The following KNTC1 variants were observed in gnomAD, a reference collection of about 807,000 sequenced individuals.
KNTC1 encodes the protein kinetochore associated 1.
A neutral mutation model predicts 314.4 loss-of-function variants in KNTC1; 253 were observed. The observed-to-expected ratio is 0.80, with a 90% confidence interval of 0.73 to 0.89. The LOEUF (loss-of-function observed/expected upper bound fraction) is 0.89, where lower values mean the gene tolerates loss of function less well. Among genes scored for constraint, KNTC1 ranks in the 40% least tolerant of loss-of-function variants. The pLI is 0.00. For synonymous variants in KNTC1, 901 were observed against 901.4 expected (o/e 1.00, Z 0.01); for missense variants, 2,475 against 2,572.9 (o/e 0.96, Z 0.82).
At position 122,615,669 on chromosome 12, in the gene KNTC1, C is replaced by T. The variant is rs112495724; in HGVS notation, c.6030+143C>T. 2.2e-4 allele frequency: 170 copies of T among 772,214 alleles called. No homozygotes were observed. The African/African-American group carries it at 2.8e-3, about 13-fold the overall frequency. 47.8% of individuals were successfully genotyped at this position (772,214 alleles called of 1,614,324 possible). The stretch of plus-strand genomic sequence containing the variant: ...AAGTACAGTGGCTCACTCCTGTAAC[C>T]CCAACGCTTTGGGAGGCCAAGGTGG... On this transcript the variant is annotated intron_variant, in intron 57 of 63. Transcript: ENST00000333479.
Position 122,530,207 on chromosome 12 carries a change from A to C in KNTC1, c.129+15A>C. On this transcript the variant is annotated intron_variant, in intron 2 of 63. Coordinates refer to ENST00000333479, the MANE Select transcript of KNTC1 (RefSeq NM_014708.6). Reference sequence around the variant, plus strand: ...CTTCTGAAAAGGTAGTGATTATTACACTGACTGTTTCATTCACAGAATTTT... The same window carrying C: ...CTTCTGAAAAGGTAGTGATTATTACCCTGACTGTTTCATTCACAGAATTTT... The C allele has an allele frequency of 6.2e-7, 1 of 1,609,702 alleles. No homozygotes were observed. Among genetic ancestry groups the C allele is most frequent in the South Asian group, 1.1e-5 (1 of 90,432 alleles).
chr12:122,620,674 C>A (rs141831378), intron 60 of KNTC1, 66 bp downstream of exon 60: 238 of 1,531,842 alleles, frequency 1.6e-4, no homozygotes, highest in Non-Finnish European at 2.0e-4. Flanking sequence ...ATGTCCCTTG[C>A]AAAAGGTCGC....
chr12:122,581,027 CA>C (rs11344365), intron 33 of KNTC1, among the ~76,000 whole-genome samples: 90,021 of 117,864 alleles, frequency 0.76, 32,959 homozygotes, highest in African/African-American at 0.85. Context: ...GACTCCATCT[CA>C]AAAAAAAAAA....
At chr12:122,554,405 G>A (rs1246511400) in intron 16 of KNTC1, among the ~76,000 whole-genome samples, 4 of 152,016 alleles carry the variant, frequency 2.6e-5, no homozygotes, top group Non-Finnish European at 5.9e-5. Flanking sequence ...GTATTGTTTA[G>A]AAATGTATAC....
rs754268750 is a variant in KNTC1 at position 122,571,072 on chromosome 12, A to G, written c.1965A>G (p.Thr655=). Residue 655 remains threonine (T), a synonymous_variant, in exon 24 of 64, where the codon ACA becomes ACG. Coordinates refer to ENST00000333479, the MANE Select transcript of KNTC1 (RefSeq NM_014708.6). ...TTCAATTGGCAGAGATATTTTTTAC[A>G]GCAGAAAAAACAGACGAGTTGGGAT... ...NGLQLAEIFF[T]AEKTDELGLA... 2 of 1,613,720 alleles carry G rather than the reference A, an allele frequency of 1.2e-6. No homozygotes were observed. Among genetic ancestry groups the G allele is most frequent in the Non-Finnish European group, 1.7e-6 (2 of 1,179,804 alleles).
intron 16 of KNTC1, among the ~76,000 whole-genome samples, chr12:122,552,370 A>T (rs1013530180): frequency 2.6e-5 from 4 of 152,058 alleles, no homozygotes; most frequent in African/African-American, 9.7e-5. Context: ...GAGTAAAAGA[A>T]GATGATGATG....
rs554181476 is a variant in KNTC1, at chr12:122,577,603, AAG to A, written c.2722-66_2722-65del. ...TATTTTCATCTTTAAATAGAAAAGA[AAG>A]AGGTAAGGCCACACCGTCCTTTGCA... On this transcript the variant is annotated intron_variant, in intron 30 of 63. Coordinates refer to ENST00000333479, the MANE Select transcript of KNTC1 (RefSeq NM_014708.6). 18 of 1,408,326 alleles carry A rather than the reference AAG, an allele frequency of 1.3e-5. No individual in the cohort carries two copies. The South Asian group carries it at 2.6e-4, about 20-fold the overall frequency. 87.2% of individuals were successfully genotyped at this position (1,408,326 alleles called of 1,614,324 possible). A position where few individuals can be genotyped will look rare whatever the true frequency, so the allele number is the denominator to read the frequency against.
Position 122,572,961 on chromosome 12 carries a change from G to A in KNTC1, c.2044G>A (p.Val682Ile), listed in dbSNP as rs778983133. 6.3e-7 allele frequency: 1 copy of A among 1,595,392 alleles called. No homozygotes were observed. The highest frequency in any genetic ancestry group is 1.1e-5 in the South Asian group (1 of 88,964). The change falls in exon 25 of 64, where the codon GTA becomes ATA. Residue 682 changes from valine (V) to isoleucine (I), a missense_variant. By Grantham distance (29) the Val-to-Ile change is conservative (BLOSUM62 3). Transcript: ENST00000333479. ...SLKDYQNTEE[V>I]CQLRTLVNNL... ...GAAAGATTATCAGAACACAGAGGAA[G>A]TATGTCAGCTAAGGACTTTGGTAAA... is the stretch of plus-strand genomic sequence containing the variant.
At chr12:122,612,900 C>T in intron 53 of KNTC1, 1 of 530,644 alleles carries the variant, frequency 1.9e-6, no homozygotes, top group Non-Finnish European at 3.3e-6. Context: ...AGCTTTGACC[C>T]TTTCCCTCTT....
intron 1 of KNTC1, among the ~76,000 whole-genome samples, chr12:122,527,964 C>T (rs73222277): frequency 0.011 from 1,700 of 152,268 alleles, 14 homozygotes; most frequent in Non-Finnish European, 0.018. Context: ...ATTATTTGTG[C>T]AGTTGCTTTT....
chr12:122,543,974 G>A (rs756495538), intron 7 of KNTC1, among the ~76,000 whole-genome samples, 185 bp from the exon 8 acceptor site: 3 of 151,644 alleles, frequency 2.0e-5, no homozygotes, highest in East Asian at 1.9e-4. Flanking sequence ...ACTTGAACTC[G>A]GGAGGCAGAG....
chr12:122,567,847 G>C (rs148465363), intron 20 of KNTC1, among the ~76,000 whole-genome samples: 397 of 151,942 alleles, frequency 2.6e-3, no homozygotes, highest in African/African-American at 9.3e-3. Flanking sequence ...AAAAAATAAA[G>C]TAAAATAATA....
At chr12:122,592,895 G>A (rs1870480562) in intron 42 of KNTC1, 1 of 152,124 alleles carries the variant, frequency 6.6e-6, no homozygotes, top group African/African-American at 2.4e-5. Context: ...TCACTCTTTG[G>A]GTCCACGCTG....
chr12:122,561,663 AG>A (rs1963985982), intron 18 of KNTC1, among the ~76,000 whole-genome samples: 1 of 151,948 alleles, frequency 6.6e-6, no homozygotes, highest in African/African-American at 2.4e-5. Flanking sequence ...CATGTTGCCC[AG>A]GGTCATCCTG....
intron 20 of KNTC1, among the ~76,000 whole-genome samples, chr12:122,567,017 G>T (rs555730219): frequency 4.6e-5 from 7 of 151,986 alleles, no homozygotes; most frequent in African/African-American, 1.7e-4. Flanking sequence ...ATATAGACAT[G>T]AGCCACTGTG....
chr12:122,552,566 G>T (rs1418244674), intron 16 of KNTC1, among the ~76,000 whole-genome samples: 1 of 151,954 alleles, frequency 6.6e-6, no homozygotes, highest in Non-Finnish European at 1.5e-5. Flanking sequence ...GGTTTTCCAT[G>T]TTACCCAGGC....
intron 2 of KNTC1, among the ~76,000 whole-genome samples, chr12:122,533,302 G>T (rs1961526518): frequency 6.6e-6 from 1 of 152,042 alleles, no homozygotes; most frequent in Non-Finnish European, 1.5e-5. Flanking sequence ...CAGTAGCTGG[G>T]ATTACATGCG....
intron 53 of KNTC1, 71 bp downstream of exon 53, chr12:122,610,971 C>A: frequency 9.1e-7 from 1 of 1,101,624 alleles, no homozygotes; most frequent in South Asian, 1.3e-5. Flanking sequence ...GTTTATTTAC[C>A]ATGCTTGATT....
chr12:122,585,967 A>T lies in KNTC1; in HGVS notation c.3673+193A>T, dbSNP rs114328509. ...ATGTAAAGTACAAACACAGGCTAGG[A>T]CTAAGCTGGTGCTGTTTGAAGTCAG... On this transcript the variant is annotated intron_variant, in intron 37 of 63. Transcript: ENST00000333479. Among the ~76,000 whole-genome samples, 1,156 of 152,302 alleles carry T rather than the reference A, an allele frequency of 7.6e-3. 13 individuals are homozygous for T. Among genetic ancestry groups the T allele is most frequent in the African/African-American group, 0.027 (1,118 of 41,540 alleles).
Sources: gnomAD v4.1 joint callset for allele counts (sites outside exome capture counted in the v4.1 genomes callset) on GRCh38, gnomAD v4.1.1 for gene constraint, MANE v1.5 for transcripts, NCBI Gene and HGNC (gene_info 2026-07-23, HGNC 2026-07-21) for gene names.